HIVEP3: variants seen among roughly 807,000 people sequenced by gnomAD.
HIVEP3 encodes the protein transcription factor HIVEP3.
In HIVEP3, 49 loss-of-function variants were observed where a neutral mutation model predicts 152.8. The ratio of observed to expected loss-of-function variants is 0.32; its 90% CI spans 0.26 to 0.41. The LOEUF (loss-of-function observed/expected upper bound fraction) is 0.41, where lower values mean the gene tolerates loss of function less well. Among genes scored for constraint, HIVEP3 ranks in the 10% least tolerant of loss-of-function variants. The pLI is 1.00. For missense variants in HIVEP3, 2,790 were observed against 3,103.3 expected (o/e 0.90, Z 2.40); for synonymous variants, 1,269 against 1,289.0 (o/e 0.98, Z 0.33).
intron 1 of HIVEP3, among the ~76,000 whole-genome samples, chr1:41,956,704 C>A (rs186373173): frequency 1.7e-4 from 26 of 152,310 alleles, no homozygotes; most frequent in Non-Finnish European, 3.5e-4. Context: ...TAAAAAGAGA[C>A]AGGAGCCCAA....
intron 1 of HIVEP3, among the ~76,000 whole-genome samples, chr1:41,744,142 G>A (rs770568225): frequency 6.6e-5 from 10 of 152,038 alleles, no homozygotes; most frequent in East Asian, 1.9e-4. Context: ...AGGTTCAAGC[G>A]ATTCTCCTGC....
chr1:41,777,417 C>T (rs1394932232), intron 1 of HIVEP3, among the ~76,000 whole-genome samples: 1 of 152,224 alleles, frequency 6.6e-6, no homozygotes, highest in African/African-American at 2.4e-5. Flanking sequence ...GCCCAGGGCT[C>T]TCTTGACCCT....
intron 4 of HIVEP3, among the ~76,000 whole-genome samples, chr1:41,577,624 A>G (rs1644346401): frequency 6.6e-6 from 1 of 152,232 alleles, no homozygotes; most frequent in Non-Finnish European, 1.5e-5. Context: ...GGTGTCCTAG[A>G]CCTGCATGAA....
chr1:41,872,088 G>T (rs559978550), intron 1 of HIVEP3, among the ~76,000 whole-genome samples: 37 of 152,138 alleles, frequency 2.4e-4, no homozygotes, highest in Non-Finnish European at 4.7e-4. Context: ...ATGCCAGAAA[G>T]TTCCCTCATC....
At chr1:41,875,601 C>T (rs1254363108) in intron 1 of HIVEP3, among the ~76,000 whole-genome samples, 1 of 152,252 alleles carries the variant, frequency 6.6e-6, no homozygotes, top group Non-Finnish European at 1.5e-5. Flanking sequence ...CTGCTCTCTG[C>T]AGCCTCCTCT....
chr1:41,996,658 T>C (rs1645397648), intron 1 of HIVEP3, among the ~76,000 whole-genome samples: 1 of 152,236 alleles, frequency 6.6e-6, no homozygotes, highest in Non-Finnish European at 1.5e-5. Context: ...AGGCTTTTCC[T>C]GACTTAGCCC....
Position 41,510,855 on chromosome 1 carries a change from C to A in HIVEP3, c.6817G>T (p.Asp2273Tyr), listed in dbSNP as rs1558012759. The A allele has an allele frequency of 2.5e-6, 4 of 1,613,296 alleles. No individual in the cohort carries two copies. Among genetic ancestry groups the A allele is most frequent in the East Asian group, 4.5e-5 (2 of 44,868 alleles). ...GTCCTCTCCCTCTCCTTGGGGTAGT[C>A]CCCGCCCTCCAGCTCTGAGGAGAGT... is the stretch of plus-strand genomic sequence containing the variant. ...FTLSSELEGGDYPKERERTGG... is the reference protein window; with the variant it reads ...FTLSSELEGGYYPKERERTGG... Residue 2273 changes from aspartate (D) to tyrosine (Y), a missense_variant, in exon 9 of 9, where the codon GAC becomes TAC. Around this residue, in one of 9 missense-constraint regions of HIVEP3, gnomAD observed 816 missense variants for 806.5 expected, o/e 1.01. Transcript: ENST00000372583.
chr1:41,954,009 A>G (rs543671372), intron 1 of HIVEP3, among the ~76,000 whole-genome samples: 1 of 152,140 alleles, frequency 6.6e-6, no homozygotes, highest in Non-Finnish European at 1.5e-5. Flanking sequence ...GAGTTGTGTA[A>G]CTGGTTCTCT....
intron 1 of HIVEP3, among the ~76,000 whole-genome samples, chr1:41,718,774 CCACACACACACA>C (rs3064313): frequency 6.7e-6 from 1 of 148,444 alleles, no homozygotes; most frequent in South Asian, 2.1e-4. Flanking sequence ...TCTTTCACAC[CCACACACACACA>C]CACACACACA....
chr1:41,809,328 G>T (rs1010622885), intron 1 of HIVEP3, among the ~76,000 whole-genome samples: 27 of 152,298 alleles, frequency 1.8e-4, no homozygotes, highest in African/African-American at 5.5e-4. Context: ...ACAGTGTGAG[G>T]ACAGTAGGCC....
At chr1:42,003,652 A>G (rs1645441523) in intron 1 of HIVEP3, among the ~76,000 whole-genome samples, 2 of 152,144 alleles carry the variant, frequency 1.3e-5, no homozygotes, top group Admixed American at 1.3e-4. Context: ...TTGGCAGCAA[A>G]CCAGGCCATT....
At chr1:41,528,873 ACTTCCAC>A (rs1558032236) in intron 5 of HIVEP3, among the ~76,000 whole-genome samples, 5 of 88,252 alleles carry the variant, frequency 5.7e-5, no homozygotes, top group South Asian at 4.3e-4. Flanking sequence ...CACACTCCAC[ACTTCCAC>A]CCTCACACCT....
chr1:41,573,089 C>T (rs1644274401), intron 5 of HIVEP3, among the ~76,000 whole-genome samples: 1 of 152,136 alleles, frequency 6.6e-6, no homozygotes, highest in Non-Finnish European at 1.5e-5. Flanking sequence ...GAACAGAGCT[C>T]CATAGCAGAT....
intron 1 of HIVEP3, among the ~76,000 whole-genome samples, chr1:41,741,157 G>C (rs958273313): frequency 6.6e-6 from 1 of 152,226 alleles, no homozygotes; most frequent in African/African-American, 2.4e-5. Context: ...CTAGAGCAGG[G>C]AGGAACTGCA....
intron 2 of HIVEP3, among the ~76,000 whole-genome samples, chr1:41,696,807 A>G (rs778381910): frequency 6.6e-6 from 1 of 152,254 alleles, no homozygotes; most frequent in Non-Finnish European, 1.5e-5. Context: ...AATTCACTAA[A>G]TAGCCCAGTC....
chr1:41,581,164 G>A lies in HIVEP3; in HGVS notation c.3634C>T (p.Pro1212Ser). 1 of 1,549,586 alleles carries A rather than the reference G, an allele frequency of 6.5e-7. No homozygotes were observed. The highest frequency in any genetic ancestry group is 1.3e-5 in the South Asian group (1 of 79,912). Residue 1212 changes from proline to serine, a missense_variant, in exon 4 of 9, where the codon CCA becomes TCA. By Grantham distance (74) the Pro-to-Ser change is moderately conservative. This residue lies in a region of HIVEP3 where 1,078 missense variants were observed against 1,165.3 expected (regional missense o/e 0.93). Coordinates refer to ENST00000372583, the MANE Select transcript of HIVEP3 (RefSeq NM_024503.5). This position sits in a 1 kb window ranked among gnomAD's most constrained non-coding sequence, Gnocchi z 4.5. ...QLHLPQLMPH[P>S]ANIPFRQPPS... is the part of the protein sequence containing the mutation. ...GGCTGCCTGAAGGGGATGTTGGCTG[G>A]GTGAGGCATGAGCTGGGGGAGATGG...
upstream of HIVEP3, among the ~76,000 whole-genome samples, chr1:41,923,901 GT>G (rs904125331): frequency 4.6e-5 from 7 of 151,608 alleles, no homozygotes; most frequent in African/African-American, 7.3e-5. Context: ...ATTCTATGAA[GT>G]TTTTTTTTCT....
At chr1:41,516,324 C>G (rs1219357652) in intron 7 of HIVEP3, among the ~76,000 whole-genome samples, 1 of 152,214 alleles carries the variant, frequency 6.6e-6, no homozygotes, top group East Asian at 1.9e-4. Context: ...GGGCGCCTGG[C>G]TCCTTCCAGG....
At chr1:41,749,619 G>T (rs998742988) in intron 1 of HIVEP3, among the ~76,000 whole-genome samples, 1 of 152,178 alleles carries the variant, frequency 6.6e-6, no homozygotes, top group Non-Finnish European at 1.5e-5. Flanking sequence ...TCTCTGGCGC[G>T]AAATCCTCCC....
Sources: gnomAD v4.1 joint callset for allele counts (sites outside exome capture counted in the v4.1 genomes callset) on GRCh38, gnomAD v4.1.1 for gene constraint, gnomAD v4.1.1 regional missense constraint, Gnocchi (gnomAD v3.1) non-coding constraint, MANE v1.5 for transcripts, NCBI Gene and HGNC (gene_info 2026-07-23, HGNC 2026-07-21) for gene names.